NRXN3: variants seen among roughly 807,000 people sequenced by gnomAD.
NRXN3 encodes neurexin 3.
A neutral mutation model predicts 137.6 loss-of-function variants in NRXN3; 32 were observed. The observed-to-expected ratio is 0.23, with a 90% CI of 0.18 to 0.31. NRXN3 has a LOEUF of 0.31. Among genes scored for constraint, NRXN3 ranks in the 10% least tolerant of loss-of-function variants. NRXN3 has a pLI of 1.00. For missense variants in NRXN3, 1,574 were observed against 2,062.5 expected (o/e 0.76, Z 4.59); for synonymous variants, 798 against 784.5 (o/e 1.02, Z -0.29).
In NRXN3 at chr14:78,628,976, G is replaced by A. The variant is rs1222082981; in HGVS notation, c.758-16144G>A. Reference sequence around the variant, plus strand: ...TTATTATTCTAATTGGATGACCCTGGACCCCTAAATCTCAGCTCCCCTCCT... The same window carrying A: ...TTATTATTCTAATTGGATGACCCTGAACCCCTAAATCTCAGCTCCCCTCCT... On this transcript the variant is annotated intron_variant, in intron 4 of 20. Transcript: ENST00000335750. Among the ~76,000 whole-genome samples, 8 of 152,116 alleles carry A rather than the reference G, an allele frequency of 5.3e-5. No individual in the cohort carries two copies. The East Asian group carries it at 1.5e-3, about 29-fold the overall frequency.
At chr14:78,343,302 T>A (rs563401012) in intron 4 of NRXN3, among the ~76,000 whole-genome samples, 13 of 152,348 alleles carry the variant, frequency 8.5e-5, no homozygotes, top group African/African-American at 2.9e-4. Flanking sequence ...CACAGTTCTA[T>A]CTATGATGAG....
intron 17 of NRXN3, among the ~76,000 whole-genome samples, chr14:79,686,271 A>C (rs994659928): frequency 2.6e-5 from 4 of 152,104 alleles, no homozygotes; most frequent in Admixed American, 1.3e-4. Context: ...GGACATGATA[A>C]CTACATGTCT....
intron 10 of NRXN3, among the ~76,000 whole-genome samples, chr14:78,896,982 A>C (rs2099178332): frequency 6.6e-6 from 1 of 151,928 alleles, no homozygotes. Flanking sequence ...GACCAAATCC[A>C]TCCCATTGTC....
intron 15 of NRXN3, among the ~76,000 whole-genome samples, chr14:79,428,160 A>G (rs1360603128): frequency 8.5e-5 from 13 of 152,104 alleles, no homozygotes. Flanking sequence ...TCGCTCCTTC[A>G]TGCCCCCATC....
chr14:79,151,996 G>A (rs753703001), intron 15 of NRXN3, among the ~76,000 whole-genome samples: 11 of 152,002 alleles, frequency 7.2e-5, no homozygotes, highest in Admixed American at 5.2e-4. Flanking sequence ...CCTCCCAGAA[G>A]TGATGTGCTA....
chr14:78,874,063 C>T (rs1162841873), intron 10 of NRXN3, among the ~76,000 whole-genome samples: 1 of 151,790 alleles, frequency 6.6e-6, no homozygotes, highest in African/African-American at 2.4e-5. Flanking sequence ...CCTCTGCCTC[C>T]CAGGTTCAAG....
At chr14:79,030,053 T>C (rs1303777996) in intron 15 of NRXN3, among the ~76,000 whole-genome samples, 2 of 150,464 alleles carry the variant, frequency 1.3e-5, no homozygotes, top group Admixed American at 6.6e-5. Flanking sequence ...TTCTTTCTTT[T>C]TTTTTTTTTG....
chr14:79,131,579 C>A (rs973329600), intron 15 of NRXN3, among the ~76,000 whole-genome samples: 9 of 152,194 alleles, frequency 5.9e-5, no homozygotes, highest in Non-Finnish European at 1.2e-4. Context: ...TGCTCTCTTC[C>A]AAGCTGTCAG....
At chr14:78,923,704 CG>C (rs2099277326) in intron 10 of NRXN3, among the ~76,000 whole-genome samples, 1 of 152,124 alleles carries the variant, frequency 6.6e-6, no homozygotes, top group Non-Finnish European at 1.5e-5. Context: ...TTGATCTGTG[CG>C]TGTGCCTGAG....
At chr14:78,308,979 C>T (rs1423367201) in intron 4 of NRXN3, among the ~76,000 whole-genome samples, 1 of 152,016 alleles carries the variant, frequency 6.6e-6, no homozygotes, top group Non-Finnish European at 1.5e-5. Flanking sequence ...GTTTTGTGGT[C>T]CAGTATTTTA....
rs148991474 is a variant in NRXN3 at position 78,404,596 on chromosome 14, A to G, written c.757+106736A>G. Among the ~76,000 whole-genome samples the G allele has an allele frequency of 2.3e-4, 35 of 152,276 alleles. No homozygotes were observed. In the East Asian group the frequency reaches 5.4e-3, roughly 24 times the overall value. ...GCTCTAGAATCTAACAGAAATCATA[A>G]TGTCACCCTGGAGATAATTATTATG... On this transcript the variant is annotated intron_variant, in intron 4 of 20. Coordinates refer to ENST00000335750, the MANE Select transcript of NRXN3 (RefSeq NM_001330195.2).
rs2084546619 is a variant in NRXN3, at chr14:78,357,843, G to A, written c.757+59983G>A. 2.6e-5 allele frequency among the ~76,000 whole-genome samples: 4 copies of A among 152,296 alleles called. No individual in the cohort carries two copies. In the South Asian group the frequency reaches 8.3e-4, roughly 32 times the overall value. On this transcript the variant is annotated intron_variant, in intron 4 of 20. Coordinates refer to ENST00000335750, the MANE Select transcript of NRXN3 (RefSeq NM_001330195.2). ...TTTTCTGGAAGTTTGTCAATTGTAT[G>A]TTAACAATATGTTAACAACAGCAAT... is the stretch of plus-strand genomic sequence containing the variant.
Position 79,509,577 on chromosome 14 carries a change from GTGTGTATATATGTATATA to G in NRXN3, c.3444+42196_3444+42213del, listed in dbSNP as rs956248240. Among the ~76,000 whole-genome samples, 31 of 151,016 alleles carry G rather than the reference GTGTGTATATATGTATATA, an allele frequency of 2.1e-4. No homozygotes were observed. The South Asian group carries it at 2.9e-3, about 14-fold the overall frequency. The stretch of plus-strand genomic sequence containing the variant: ...TGTGTGCATGTATGTATATATATAT[GTGTGTATATATGTATATA>G]TGTGTATATATGTATATATGAAAAG... On this transcript the variant is annotated intron_variant, in intron 16 of 20. Transcript: ENST00000335750.
intron 15 of NRXN3, among the ~76,000 whole-genome samples, chr14:79,063,561 C>T (rs1268831402): frequency 9.2e-5 from 14 of 151,982 alleles, no homozygotes; most frequent in Admixed American, 9.2e-4. Flanking sequence ...TGTATTTTAC[C>T]TTTTATATTA....
At chr14:78,313,657 G>A (rs1239386456) in intron 4 of NRXN3, among the ~76,000 whole-genome samples, 1 of 152,066 alleles carries the variant, frequency 6.6e-6, no homozygotes, top group African/African-American at 2.4e-5. Context: ...CAAAGCCTGA[G>A]GTGACACTAC....
At chr14:79,158,993 T>C (rs1396564809) in intron 15 of NRXN3, among the ~76,000 whole-genome samples, 4 of 151,834 alleles carry the variant, frequency 2.6e-5, no homozygotes, top group Non-Finnish European at 2.9e-5. Context: ...ACTGTTGTAG[T>C]GGATGAGGAC....
intron 19 of NRXN3, among the ~76,000 whole-genome samples, chr14:79,703,679 G>A (rs1344351417): frequency 6.6e-6 from 1 of 151,900 alleles, no homozygotes; most frequent in East Asian, 1.9e-4. Context: ...TACATGTGCG[G>A]ATTATAATTT....
At chr14:78,633,267 A>G (rs902063570) in intron 4 of NRXN3, among the ~76,000 whole-genome samples, 28 of 150,084 alleles carry the variant, frequency 1.9e-4, no homozygotes, top group Non-Finnish European at 3.7e-4. Flanking sequence ...AAAAAAAAAA[A>G]AGAGACTGGT....
intron 15 of NRXN3, among the ~76,000 whole-genome samples, chr14:79,409,615 GTCTATATA>G (rs1044869998): frequency 1.9e-5 from 1 of 53,420 alleles, no homozygotes; most frequent in South Asian, 7.2e-4. Flanking sequence ...GTGTGTGTGT[GTCTATATA>G]TATATATATA....
Sources: allele counts gnomAD v4.1 joint callset (sites outside exome capture counted in the v4.1 genomes callset), GRCh38; gene constraint gnomAD v4.1.1; transcripts MANE v1.5; gene names NCBI Gene and HGNC (gene_info 2026-07-23, HGNC 2026-07-21).